The following TMOD1 variants were observed in gnomAD, a reference collection of about 807,000 sequenced individuals.
The protein encoded by TMOD1 is tropomodulin-1.
TMOD1 carries 17 observed loss-of-function variants against 40.6 expected under a neutral mutation model. That is an observed-to-expected ratio of 0.42 (90% CI 0.29 to 0.63). The LOEUF is 0.63. TMOD1 is among the 20% of genes least tolerant of loss of function. TMOD1 has a pLI of 0.22. For synonymous variants in TMOD1, 181 were observed against 175.0 expected (o/e 1.03, Z -0.27); for missense variants, 391 against 447.6 (o/e 0.87, Z 1.14).
At chr9:97,542,120 C>A (rs959779965) in intron 2 of TMOD1, among the ~76,000 whole-genome samples, 1 of 152,114 alleles carries the variant, frequency 6.6e-6, no homozygotes, top group African/African-American at 2.4e-5. Context: ...GTTCTTATAT[C>A]TAGGTCTTTG....
At chr9:97,526,751 A>G (rs956760980) in intron 2 of TMOD1, among the ~76,000 whole-genome samples, 1 of 151,886 alleles carries the variant, frequency 6.6e-6, no homozygotes, top group African/African-American at 2.4e-5. Context: ...TGTCTCTTCC[A>G]CTCCATGTGA....
intron 2 of TMOD1, among the ~76,000 whole-genome samples, chr9:97,535,149 G>A (rs1830161175): frequency 1.3e-5 from 2 of 152,180 alleles, no homozygotes; most frequent in Admixed American, 6.5e-5. Flanking sequence ...AGGGAAGTTG[G>A]TGAGCATCTC....
At chr9:97,527,659 G>A (rs1376013963) in intron 2 of TMOD1, among the ~76,000 whole-genome samples, 1 of 152,190 alleles carries the variant, frequency 6.6e-6, no homozygotes, top group Non-Finnish European at 1.5e-5. Flanking sequence ...AAGAGGGGGC[G>A]GCAAGGCCGA....
At chr9:97,546,627 G>T (rs577912890) in intron 3 of TMOD1, among the ~76,000 whole-genome samples, 2 of 152,100 alleles carry the variant, frequency 1.3e-5, no homozygotes, top group East Asian at 1.9e-4. Flanking sequence ...ATTTTTTTAC[G>T]CAAACCTAAA....
intron 1 of TMOD1, among the ~76,000 whole-genome samples, chr9:97,516,039 A>C (rs1829800475): frequency 6.6e-6 from 1 of 152,070 alleles, no homozygotes; most frequent in Non-Finnish European, 1.5e-5. Flanking sequence ...TCAAACTTCC[A>C]TTACTTTTTG....
At chr9:97,569,685 A>T (rs1288139952) in intron 8 of TMOD1, among the ~76,000 whole-genome samples, 3 of 152,206 alleles carry the variant, frequency 2.0e-5, no homozygotes, top group African/African-American at 7.2e-5. Flanking sequence ...TGTACTGTGG[A>T]CCAGGCTCTG....
chr9:97,569,711 A>C (rs1425762192), intron 8 of TMOD1, among the ~76,000 whole-genome samples: 1 of 152,188 alleles, frequency 6.6e-6, no homozygotes, highest in Non-Finnish European at 1.5e-5. Flanking sequence ...CACATCTTAC[A>C]TCCATCATCT....
intron 1 of TMOD1, among the ~76,000 whole-genome samples, chr9:97,508,421 C>A (rs919943811): frequency 4.6e-5 from 7 of 152,072 alleles, no homozygotes; most frequent in African/African-American, 1.2e-4. Flanking sequence ...AACTCCTGAC[C>A]TCAGGTGATC....
At chr9:97,597,743 C>G (rs1222950894) in intron 9 of TMOD1, among the ~76,000 whole-genome samples, 2 of 145,358 alleles carry the variant, frequency 1.4e-5, no homozygotes, top group African/African-American at 5.1e-5. Flanking sequence ...GGGAACCATG[C>G]ACACACACAC....
At chr9:97,509,040 C>G (rs1829649423) in intron 1 of TMOD1, among the ~76,000 whole-genome samples, 1 of 152,068 alleles carries the variant, frequency 6.6e-6, no homozygotes, top group Non-Finnish European at 1.5e-5. Context: ...CCAGCAGACA[C>G]CAGAAGGTAG....
Position 97,600,213 on chromosome 9 carries a change from G to C in TMOD1, c.*515G>C, listed in dbSNP as rs1826222202. The C allele has an allele frequency of 1.0e-6, 1 of 994,300 alleles. No individual in the cohort carries two copies. 61.6% of individuals were successfully genotyped at this position (994,300 alleles called of 1,614,324 possible). Reference sequence around the variant, plus strand: ...ATTAAAGTTGCCAAATTGATTACTGGATCCAGAACACAATTTTCCCCTCAG... The same window carrying C: ...ATTAAAGTTGCCAAATTGATTACTGCATCCAGAACACAATTTTCCCCTCAG... On this transcript the variant is annotated 3_prime_UTR_variant, in exon 10 of 10. Transcript: ENST00000259365.
chr9:97,569,176 C>T (rs1830780167), intron 8 of TMOD1, 139 bp downstream of exon 8: 3 of 1,043,322 alleles, frequency 2.9e-6, no homozygotes, highest in South Asian at 3.4e-5. Flanking sequence ...TCCAAGGTCC[C>T]TAAAGTTCAC....
intron 3 of TMOD1, among the ~76,000 whole-genome samples, chr9:97,549,508 G>T (rs983938089): frequency 6.6e-6 from 1 of 152,166 alleles, no homozygotes; most frequent in African/African-American, 2.4e-5. Context: ...TTTAATACTT[G>T]AGTTCCTTTT....
At chr9:97,528,680 G>A (rs1830054079) in intron 2 of TMOD1, among the ~76,000 whole-genome samples, 1 of 152,176 alleles carries the variant, frequency 6.6e-6, no homozygotes. Flanking sequence ...CCAAAGATAT[G>A]CAGACAATGA....
At chr9:97,590,729 A>G (rs1037295273) in intron 8 of TMOD1, among the ~76,000 whole-genome samples, 1 of 152,018 alleles carries the variant, frequency 6.6e-6, no homozygotes, top group African/African-American at 2.4e-5. Context: ...TTAGAAAGCT[A>G]ACTTTGGCAT....
intron 9 of TMOD1, among the ~76,000 whole-genome samples, chr9:97,594,860 CT>C (rs11297128): frequency 0.86 from 131,084 of 152,160 alleles, 56,604 homozygotes; most frequent in Middle Eastern, 0.92. Flanking sequence ...AAGCATGGCA[CT>C]TCAGGTCCTC....
At chr9:97,595,126 A>G (rs1373981709) in intron 9 of TMOD1, among the ~76,000 whole-genome samples, 1 of 152,242 alleles carries the variant, frequency 6.6e-6, no homozygotes, top group African/African-American at 2.4e-5. Context: ...TTGTAATTGT[A>G]TATATTTATG....
At chr9:97,576,910 A>AT (rs1830952094) in intron 8 of TMOD1, among the ~76,000 whole-genome samples, 2 of 152,066 alleles carry the variant, frequency 1.3e-5, no homozygotes, top group Admixed American at 1.3e-4. Flanking sequence ...AATTGCTGGG[A>AT]TTACAGGCGT....
intron 9 of TMOD1, among the ~76,000 whole-genome samples, chr9:97,597,637 G>T (rs367960622): frequency 2.9e-5 from 4 of 139,030 alleles, no homozygotes; most frequent in African/African-American, 1.1e-4. Flanking sequence ...GGCGGAGACT[G>T]CAGTGAGCCA....
Sources: allele counts gnomAD v4.1 joint callset (sites outside exome capture counted in the v4.1 genomes callset), GRCh38; gene constraint gnomAD v4.1.1; transcripts MANE v1.5; gene names NCBI Gene and HGNC (gene_info 2026-07-23, HGNC 2026-07-21).